The following ERCC3 variants were observed in gnomAD, a reference collection of about 807,000 sequenced individuals.
ERCC3 encodes general transcription and DNA repair factor IIH helicase/translocase subunit XPB.
A neutral mutation model predicts 94.2 loss-of-function variants in ERCC3; 66 were observed. That is an observed-to-expected ratio of 0.70 (90% CI 0.57 to 0.86). ERCC3 has a LOEUF of 0.86. Among genes scored for constraint, ERCC3 ranks in the 40% least tolerant of loss-of-function variants. The pLI, the probability that ERCC3 is intolerant of heterozygous loss-of-function variation, is 0.00. For synonymous variants in ERCC3, 349 were observed against 369.1 expected (o/e 0.95, Z 0.63); for missense variants, 829 against 987.1 (o/e 0.84, Z 2.15).
intron 11 of ERCC3, 61 bp downstream of exon 11, chr2:127,272,804 T>G: frequency 9.9e-7 from 1 of 1,007,558 alleles, no homozygotes; most frequent in South Asian, 1.3e-5. Flanking sequence ...GGAATCATAG[T>G]GTACCCCCCA....
intron 2 of ERCC3, 76 bp from the exon 3 acceptor site, chr2:127,292,922 T>C: frequency 1.1e-6 from 1 of 941,628 alleles, no homozygotes; most frequent in Non-Finnish European, 1.7e-6. Flanking sequence ...CCCATATCAT[T>C]ATCAAGAAAG....
At chr2:127,281,046 A>C in intron 8 of ERCC3, 2 of 432,286 alleles carry the variant, frequency 4.6e-6, no homozygotes, top group East Asian at 6.6e-5. Context: ...AATGAATCCC[A>C]GCATTCCCCT....
At position 127,259,553 on chromosome 2, in the gene ERCC3, C is replaced by T; in HGVS notation, c.2065-105G>A. Reference sequence around the variant, plus strand: ...GCTTTGGTCACTTCCCTCCCCAGGCCCAGCCACCCTGGTGGCCAACAATGG... The same window carrying T: ...GCTTTGGTCACTTCCCTCCCCAGGCTCAGCCACCCTGGTGGCCAACAATGG... On this transcript the variant is annotated intron_variant, in intron 13 of 14. Coordinates refer to ENST00000285398, the MANE Select transcript of ERCC3 (RefSeq NM_000122.2). The surrounding 1 kb of genome is among the most constrained non-coding windows in gnomAD (Gnocchi z 4.9). 6.8e-7 allele frequency: 1 copy of T among 1,481,048 alleles called. No individual in the cohort carries two copies. The highest frequency in any genetic ancestry group is 9.4e-7 in the Non-Finnish European group (1 of 1,069,048). The allele number at this position is 1,481,048 out of a possible 1,614,324, so 91.7% of individuals were successfully genotyped here. A position where few individuals can be genotyped will look rare whatever the true frequency, so the allele number is the denominator to read the frequency against.
chr2:127,258,482 C>CCAGTGAGAG lies in ERCC3; in HGVS notation c.2218-764_2218-756dup, dbSNP rs1684090001. ...GAATGAACCAGGCACCTCCTTAAAA[C>CCAGTGAGAG]CAGTGAGAGCAATGAGAGCACTCTC... On this transcript the variant is annotated intron_variant, in intron 14 of 14. Coordinates refer to ENST00000285398, the MANE Select transcript of ERCC3 (RefSeq NM_000122.2). The surrounding 1 kb of genome is among the most constrained non-coding windows in gnomAD (Gnocchi z 4.1). 6.6e-6 allele frequency among the ~76,000 whole-genome samples: 1 copy of CCAGTGAGAG among 152,158 alleles called. No individual in the cohort carries two copies. The highest frequency in any genetic ancestry group is 6.5e-5 in the Admixed American group (1 of 15,282).
Position 127,259,538 on chromosome 2 carries a change from C to A in ERCC3, c.2065-90G>T. On this transcript the variant is annotated intron_variant, in intron 13 of 14. Transcript: ENST00000285398. The surrounding 1 kb of genome is among the most constrained non-coding windows in gnomAD (Gnocchi z 4.9). ...CTCCTGGGTCCACCTGCTTTGGTCA[C>A]TTCCCTCCCCAGGCCCAGCCACCCT... 1 of 1,564,338 alleles carries A rather than the reference C, an allele frequency of 6.4e-7. No individual in the cohort carries two copies. Among genetic ancestry groups the A allele is most frequent in the Non-Finnish European group, 8.7e-7 (1 of 1,143,026 alleles).
Position 127,264,632 on chromosome 2 carries a change from G to A in ERCC3, c.1946-3286C>T, listed in dbSNP as rs1476273670. 1.3e-5 allele frequency among the ~76,000 whole-genome samples: 2 copies of A among 152,096 alleles called. No homozygotes were observed. The highest frequency in any genetic ancestry group is 2.9e-5 in the Non-Finnish European group (2 of 68,022). The stretch of plus-strand genomic sequence containing the variant: ...TGAATTAACTTTTTGATATGCTGCT[G>A]GATTTGCTTTGTCCTCATTTTGTTA... On this transcript the variant is annotated intron_variant, in intron 12 of 14. Coordinates refer to ENST00000285398, the MANE Select transcript of ERCC3 (RefSeq NM_000122.2). The surrounding 1 kb of genome is among the most constrained non-coding windows in gnomAD (Gnocchi z 4.4).
intron 8 of ERCC3, among the ~76,000 whole-genome samples, chr2:127,285,274 T>C (rs375309262): frequency 1.3e-5 from 2 of 152,180 alleles, no homozygotes; most frequent in Non-Finnish European, 2.9e-5. Flanking sequence ...AACTGGATCA[T>C]GGTGGCCGAA....
chr2:127,257,504 G>A lies in ERCC3; in HGVS notation c.*92C>T, dbSNP rs1684047658. The stretch of plus-strand genomic sequence containing the variant: ...CAATTTGGCCAACGCTGGAGGGAAG[G>A]TCAAAGAGGTGGAAGGAAAATGTTA... On this transcript the variant is annotated 3_prime_UTR_variant, in exon 15 of 15. Coordinates refer to ENST00000285398, the MANE Select transcript of ERCC3 (RefSeq NM_000122.2). This position sits in a 1 kb window ranked among gnomAD's most constrained non-coding sequence, Gnocchi z 5.4. 2.6e-6 allele frequency: 4 copies of A among 1,551,688 alleles called. No individual in the cohort carries two copies. The highest frequency in any genetic ancestry group is 3.3e-5 in the Admixed American group (2 of 59,906).
At chr2:127,272,744 A>G (rs1684600276) in intron 11 of ERCC3, 121 bp downstream of exon 11, 3 of 733,636 alleles carry the variant, frequency 4.1e-6, no homozygotes, top group Admixed American at 4.0e-5. Flanking sequence ...CATGTCGGAA[A>G]TGAAAACATG....
In ERCC3 at chr2:127,284,954, T is replaced by C. The variant is rs1445146485; in HGVS notation, c.1342+1749A>G. Among the ~76,000 whole-genome samples, 1 of 152,188 alleles carries C rather than the reference T, an allele frequency of 6.6e-6. No homozygotes were observed. The highest frequency in any genetic ancestry group is 1.5e-5 in the Non-Finnish European group (1 of 68,034). ...CTCCTGCCCTGGCCTCCCAAAGTGC[T>C]AGGAGACTACAGGTGTCAGCCACCA... is the stretch of plus-strand genomic sequence containing the variant. On this transcript the variant is annotated intron_variant, in intron 8 of 14. Coordinates refer to ENST00000285398, the MANE Select transcript of ERCC3 (RefSeq NM_000122.2). The surrounding 1 kb of genome is among the most constrained non-coding windows in gnomAD (Gnocchi z 4.1).
At chr2:127,275,163 G>A (rs1028032334) in intron 10 of ERCC3, among the ~76,000 whole-genome samples, 1 of 152,038 alleles carries the variant, frequency 6.6e-6, no homozygotes, top group Non-Finnish European at 1.5e-5. Flanking sequence ...CACCACACAC[G>A]AGCAAAGAAT....
chr2:127,281,506 G>C (rs1684909896), intron 8 of ERCC3, among the ~76,000 whole-genome samples: 1 of 152,052 alleles, frequency 6.6e-6, no homozygotes, highest in Non-Finnish European at 1.5e-5. Flanking sequence ...ATTTCCACGG[G>C]CTCACCTTTT....
chr2:127,259,281 C>A lies in ERCC3; in HGVS notation c.2217+15G>T. ...AGAGCACTGACACCTGGAACCTCCT[C>A]ACCCATTTACTCACCTGGCTGGATC... On this transcript the variant is annotated intron_variant, in intron 14 of 14. Coordinates refer to ENST00000285398, the MANE Select transcript of ERCC3 (RefSeq NM_000122.2). The surrounding 1 kb of genome is among the most constrained non-coding windows in gnomAD (Gnocchi z 4.9). 1 of 1,614,168 alleles carries A rather than the reference C, an allele frequency of 6.2e-7. No individual in the cohort carries two copies. The highest frequency in any genetic ancestry group is 8.5e-7 in the Non-Finnish European group (1 of 1,180,018).
At chr2:127,289,207 G>A (rs1309636406) in intron 6 of ERCC3, 130 bp downstream of exon 6, 2 of 817,606 alleles carry the variant, frequency 2.4e-6, no homozygotes, top group African/African-American at 3.4e-5. Flanking sequence ...TAATAAAAAG[G>A]AGAAAGCAAT....
chr2:127,268,022 C>T (rs769556759), intron 12 of ERCC3, among the ~76,000 whole-genome samples: 4 of 152,018 alleles, frequency 2.6e-5, no homozygotes, highest in Non-Finnish European at 5.9e-5. Flanking sequence ...GGTGCAATCT[C>T]GGCTCACTGA....
intron 11 of ERCC3, among the ~76,000 whole-genome samples, chr2:127,272,305 G>A (rs1684584078): frequency 6.6e-6 from 1 of 152,162 alleles, no homozygotes; most frequent in Non-Finnish European, 1.5e-5. Context: ...GATTACAGAT[G>A]TGAGCCACCG....
chr2:127,267,382 TAA>T (rs1200520273), intron 12 of ERCC3, among the ~76,000 whole-genome samples: 1 of 152,172 alleles, frequency 6.6e-6, no homozygotes, highest in East Asian at 1.9e-4. Context: ...GTGGCTGGTT[TAA>T]AGTCTCTTTT....
In ERCC3 at chr2:127,258,115, G is replaced by A. The variant is rs953911013; in HGVS notation, c.2218-388C>T. On this transcript the variant is annotated intron_variant, in intron 14 of 14. Transcript: ENST00000285398. The surrounding 1 kb of genome is among the most constrained non-coding windows in gnomAD (Gnocchi z 4.1). ...CTGAACAAACTTTTTTTTTTTAAGA[G>A]AGAAACAGGGTCTCGATATGTTGAC... Among the ~76,000 whole-genome samples the A allele has an allele frequency of 2.6e-5, 4 of 151,662 alleles. No homozygotes were observed. The highest frequency in any genetic ancestry group is 5.9e-5 in the Non-Finnish European group (4 of 67,962).
Position 127,277,213 on chromosome 2 carries a change from G to A in ERCC3, c.1730+1960C>T, listed in dbSNP as rs1018364875. 6.6e-5 allele frequency among the ~76,000 whole-genome samples: 10 copies of A among 152,112 alleles called. No homozygotes were observed. Among genetic ancestry groups the A allele is most frequent in the South Asian group, 6.2e-4 (3 of 4,832 alleles). ...GCAAGCAGGCCAGAACAGAGTAAGCGAATGGAGTGCTGGTGGGGATCCCAC... is the reference window on the plus strand; with the variant it reads ...GCAAGCAGGCCAGAACAGAGTAAGCAAATGGAGTGCTGGTGGGGATCCCAC... On this transcript the variant is annotated intron_variant, in intron 10 of 14. Coordinates refer to ENST00000285398, the MANE Select transcript of ERCC3 (RefSeq NM_000122.2). This position sits in a 1 kb window ranked among gnomAD's most constrained non-coding sequence, Gnocchi z 5.1.
Sources: allele counts gnomAD v4.1 joint callset (sites outside exome capture counted in the v4.1 genomes callset), GRCh38; gene constraint gnomAD v4.1.1; non-coding constraint Gnocchi (gnomAD v3.1); transcripts MANE v1.5; gene names NCBI Gene and HGNC (gene_info 2026-07-23, HGNC 2026-07-21).